The following SGMS1 variants were observed in gnomAD, a reference collection of about 807,000 sequenced individuals.
The protein encoded by SGMS1 is sphingomyelin synthase 1, also known as phosphatidylcholine:ceramide cholinephosphotransferase 1.
In SGMS1, 13 loss-of-function variants were observed where a neutral mutation model predicts 46.2. That is an observed-to-expected ratio of 0.28 (90% CI 0.18 to 0.45). The LOEUF is 0.45. SGMS1 is among the 20% of genes least tolerant of loss of function. SGMS1 has a pLI of 1.00. For synonymous variants in SGMS1, 203 were observed against 187.8 expected, an observed-to-expected ratio of 1.08 and a Z score of -0.66; for missense variants, 324 against 519.9, an observed-to-expected ratio of 0.62 and a Z score of 3.66.
chr10:50,308,919 T>C (rs1283573097), intron 9 of SGMS1, among the ~76,000 whole-genome samples: 1 of 152,160 alleles, frequency 6.6e-6, no homozygotes, highest in Non-Finnish European at 1.5e-5. Flanking sequence ...TCTCAATGGG[T>C]CCAAGAACCA....
intron 3 of SGMS1, among the ~76,000 whole-genome samples, chr10:50,495,739 C>T (rs533157327): frequency 6.7e-6 from 1 of 148,958 alleles, no homozygotes; most frequent in South Asian, 2.1e-4. Context: ...ATTTCTCTGG[C>T]TGATATGGAA....
At chr10:50,524,602 G>T (rs916167845) in intron 2 of SGMS1, among the ~76,000 whole-genome samples, 2 of 152,140 alleles carry the variant, frequency 1.3e-5, no homozygotes, top group Non-Finnish European at 2.9e-5. Context: ...TAACATGTAT[G>T]ATCTTATTTA....
chr10:50,459,489 C>G (rs11005782), intron 5 of SGMS1, among the ~76,000 whole-genome samples: 1 of 151,944 alleles, frequency 6.6e-6, no homozygotes, highest in Non-Finnish European at 1.5e-5. Context: ...CTGCAACCTC[C>G]GCCTCCCGGG....
intron 3 of SGMS1, among the ~76,000 whole-genome samples, chr10:50,482,770 G>C (rs1837488263): frequency 6.6e-6 from 1 of 152,166 alleles, no homozygotes; most frequent in African/African-American, 2.4e-5. Flanking sequence ...TGGCAAGCTG[G>C]ATAAAGAGTC....
intron 2 of SGMS1, among the ~76,000 whole-genome samples, chr10:50,568,379 A>T (rs1838308423): frequency 6.6e-6 from 1 of 152,194 alleles, no homozygotes; most frequent in South Asian, 2.1e-4. Flanking sequence ...ACAAAACAAC[A>T]TTATTTTTGA....
chr10:50,354,572 A>C (rs1327210328), intron 6 of SGMS1, among the ~76,000 whole-genome samples: 2 of 152,236 alleles, frequency 1.3e-5, no homozygotes, highest in Non-Finnish European at 2.9e-5. Context: ...AATGGTAACA[A>C]AAGCCAAAAT....
intron 6 of SGMS1, among the ~76,000 whole-genome samples, chr10:50,359,171 T>C (rs1296382749): frequency 6.6e-6 from 1 of 152,196 alleles, no homozygotes; most frequent in Non-Finnish European, 1.5e-5. Context: ...GGAGTGTATG[T>C]ATTTTGCCTT....
intron 6 of SGMS1, among the ~76,000 whole-genome samples, chr10:50,355,124 C>T (rs1848118565): frequency 1.3e-5 from 2 of 152,208 alleles, no homozygotes; most frequent in Admixed American, 6.5e-5. Flanking sequence ...AGTCATGCTG[C>T]TATAAAGACA....
intron 2 of SGMS1, among the ~76,000 whole-genome samples, chr10:50,569,974 C>T (rs764493633): frequency 1.3e-5 from 2 of 152,176 alleles, no homozygotes; most frequent in Non-Finnish European, 2.9e-5. Context: ...TTCTCCCTTG[C>T]TCTTTTTCAA....
chr10:50,488,773 G>A (rs1837543657), intron 3 of SGMS1, among the ~76,000 whole-genome samples: 1 of 152,172 alleles, frequency 6.6e-6, no homozygotes, highest in Non-Finnish European at 1.5e-5. Context: ...TAGTCAGTAA[G>A]AAATGCAAAT....
At chr10:50,471,510 C>G (rs551234061) in intron 3 of SGMS1, among the ~76,000 whole-genome samples, 3 of 152,168 alleles carry the variant, frequency 2.0e-5, no homozygotes, top group Non-Finnish European at 2.9e-5. Flanking sequence ...ATCTTTGAAA[C>G]AAGTCTATGA....
chr10:50,383,172 G>C (rs1022268505), intron 6 of SGMS1, among the ~76,000 whole-genome samples: 1 of 152,104 alleles, frequency 6.6e-6, no homozygotes, highest in Non-Finnish European at 1.5e-5. Flanking sequence ...AGACATGGAG[G>C]CTCAGAAAGT....
chr10:50,357,034 C>T (rs1848164725), intron 6 of SGMS1, among the ~76,000 whole-genome samples: 1 of 151,640 alleles, frequency 6.6e-6, no homozygotes, highest in South Asian at 2.1e-4. Context: ...TGTAACAAAC[C>T]TGCACATTGT....
intron 6 of SGMS1, among the ~76,000 whole-genome samples, chr10:50,374,328 C>A (rs1045385896): frequency 2.6e-5 from 4 of 152,130 alleles, no homozygotes; most frequent in South Asian, 2.1e-4. Flanking sequence ...CTCCTGCATG[C>A]CTTCTTCAGC....
chr10:50,551,600 T>G (rs924827591), intron 2 of SGMS1, among the ~76,000 whole-genome samples: 2 of 152,102 alleles, frequency 1.3e-5, no homozygotes, highest in Non-Finnish European at 2.9e-5. Flanking sequence ...ATATTAGCAG[T>G]AGGGGAAACT....
intron 6 of SGMS1, among the ~76,000 whole-genome samples, chr10:50,386,236 T>G (rs2133491685): frequency 6.6e-6 from 1 of 152,256 alleles, no homozygotes; most frequent in Middle Eastern, 3.4e-3. Context: ...TAAAACTAAT[T>G]ATTGTGTCGC....
At chr10:50,551,911 T>C (rs1838152163) in intron 2 of SGMS1, among the ~76,000 whole-genome samples, 1 of 152,194 alleles carries the variant, frequency 6.6e-6, no homozygotes, top group Non-Finnish European at 1.5e-5. Context: ...AACCCTTTCA[T>C]GGCTTCCCAC....
chr10:50,545,782 A>G (rs1364250511), intron 2 of SGMS1, among the ~76,000 whole-genome samples: 1 of 152,150 alleles, frequency 6.6e-6, no homozygotes, highest in East Asian at 1.9e-4. Context: ...AGAGTACAGC[A>G]GAGTGACTCG....
chr10:50,324,015 T>C (rs1472714383), intron 8 of SGMS1, among the ~76,000 whole-genome samples: 1 of 152,230 alleles, frequency 6.6e-6, no homozygotes, highest in African/African-American at 2.4e-5. Context: ...CCCTAATGTA[T>C]GTTTGTTAAA....
Sources: allele counts gnomAD v4.1 joint callset (sites outside exome capture counted in the v4.1 genomes callset), GRCh38; gene constraint gnomAD v4.1.1; transcripts MANE v1.5; gene names NCBI Gene and HGNC (gene_info 2026-07-23, HGNC 2026-07-21).